PTPRG: variants seen among roughly 807,000 people sequenced by gnomAD.
PTPRG encodes receptor-type tyrosine-protein phosphatase gamma.
Under a neutral mutation model 165.3 loss-of-function variants are expected in PTPRG, and 102 were observed. The observed-to-expected ratio is 0.62, with a 90% CI of 0.53 to 0.73. The LOEUF (loss-of-function observed/expected upper bound fraction) is 0.73, where lower values mean the gene tolerates loss of function less well. Ranked by LOEUF, PTPRG falls within the 30% of genes least tolerant of loss-of-function variation. PTPRG has a pLI of 0.00. For synonymous variants in PTPRG, 675 were observed against 669.5 expected (o/e 1.01, Z -0.13); for missense variants, 1,866 against 1,861.4 (o/e 1.00, Z -0.05).
chr3:61,744,246 C>T (rs367889991), intron 1 of PTPRG, among the ~76,000 whole-genome samples: 2 of 152,094 alleles, frequency 1.3e-5, no homozygotes, highest in Admixed American at 6.5e-5. Flanking sequence ...ACAGCATCGT[C>T]GATTAAAATG....
chr3:62,268,349 G>T (rs187385948), intron 19 of PTPRG, among the ~76,000 whole-genome samples: 56 of 152,146 alleles, frequency 3.7e-4, no homozygotes, highest in African/African-American at 1.3e-3. Flanking sequence ...GTTTACATTA[G>T]ATGATGCTAA....
intron 2 of PTPRG, among the ~76,000 whole-genome samples, chr3:61,869,441 C>T (rs1373855385): frequency 1.3e-5 from 2 of 152,268 alleles, no homozygotes; most frequent in Non-Finnish European, 2.9e-5. Context: ...TATTGCTTTT[C>T]AGTCAGGTGG....
At chr3:61,631,536 A>G (rs1701775051) in intron 1 of PTPRG, among the ~76,000 whole-genome samples, 1 of 152,248 alleles carries the variant, frequency 6.6e-6, no homozygotes, top group Non-Finnish European at 1.5e-5. Flanking sequence ...CAGTGTATAT[A>G]GAGCTCAGCT....
At chr3:61,830,527 A>G (rs1338455248) in intron 2 of PTPRG, among the ~76,000 whole-genome samples, 1 of 149,556 alleles carries the variant, frequency 6.7e-6, no homozygotes, top group African/African-American at 2.5e-5. Flanking sequence ...TCTTCGACTT[A>G]CGACTTACTT....
intron 1 of PTPRG, among the ~76,000 whole-genome samples, chr3:61,735,370 C>T (rs562570822): frequency 2.0e-5 from 3 of 152,098 alleles, no homozygotes; most frequent in Non-Finnish European, 1.5e-5. Context: ...TTTCTTTCTG[C>T]AATTGAAGAG....
intron 6 of PTPRG, among the ~76,000 whole-genome samples, chr3:62,153,661 G>A (rs773148607): frequency 5.9e-5 from 9 of 152,186 alleles, no homozygotes; most frequent in Non-Finnish European, 8.8e-5. Context: ...ATGAGAGTAA[G>A]AATAATATCT....
intron 4 of PTPRG, among the ~76,000 whole-genome samples, chr3:62,061,608 T>C (rs10866052): frequency 0.14 from 20,490 of 150,376 alleles, 1,645 homozygotes; most frequent in South Asian, 0.23. Flanking sequence ...CTAAAAAACA[T>C]TACTTGGCTT....
At chr3:62,264,326 A>T (rs1701794301) in intron 17 of PTPRG, among the ~76,000 whole-genome samples, 1 of 151,948 alleles carries the variant, frequency 6.6e-6, no homozygotes, top group Non-Finnish European at 1.5e-5. Context: ...AAAAAAAAAA[A>T]TTTCCTAGGG....
intron 2 of PTPRG, among the ~76,000 whole-genome samples, chr3:61,898,754 TA>T (rs1186530590): frequency 6.6e-6 from 1 of 152,148 alleles, no homozygotes; most frequent in Non-Finnish European, 1.5e-5. Flanking sequence ...TTGAAGTGAA[TA>T]AATAAAGAAG....
chr3:62,269,258 C>G (rs939867097), intron 20 of PTPRG, 89 bp downstream of exon 20: 9 of 1,333,946 alleles, frequency 6.7e-6, no homozygotes, highest in Non-Finnish European at 8.0e-6. Flanking sequence ...ATCTCATAAC[C>G]AACTTGGTTT....
intron 1 of PTPRG, among the ~76,000 whole-genome samples, chr3:61,738,279 CATATATATATATATAT>C (rs1169177844): frequency 6.5e-5 from 1 of 15,484 alleles, no homozygotes; most frequent in Non-Finnish European, 2.5e-4. Flanking sequence ...TATATATATA[CATATATATATATATAT>C]ATATATATAT....
At chr3:62,176,645 G>T (rs575697649) in intron 8 of PTPRG, among the ~76,000 whole-genome samples, 201 of 152,146 alleles carry the variant, frequency 1.3e-3, no homozygotes, top group South Asian at 4.8e-3. Flanking sequence ...ATTTTGTCAG[G>T]TTATCTTGGG....
At chr3:61,651,911 G>A (rs1453333132) in intron 1 of PTPRG, among the ~76,000 whole-genome samples, 1 of 152,182 alleles carries the variant, frequency 6.6e-6, no homozygotes, top group Non-Finnish European at 1.5e-5. Flanking sequence ...TCGGGAGGCT[G>A]AGGCAGGAGA....
At chr3:62,192,799 G>C (rs1339549302) in intron 9 of PTPRG, among the ~76,000 whole-genome samples, 2 of 152,096 alleles carry the variant, frequency 1.3e-5, no homozygotes, top group African/African-American at 4.8e-5. Flanking sequence ...TCAAAGGAAG[G>C]CTCTGGAATA....
chr3:62,206,910 CTCAAAAAAAAAA>C (rs1700244525), intron 12 of PTPRG, among the ~76,000 whole-genome samples: 1 of 75,414 alleles, frequency 1.3e-5, no homozygotes, highest in South Asian at 5.4e-4. Flanking sequence ...AAGACTCTGT[CTCAAAAAAAAAA>C]AAAAAAAAAA....
Position 62,210,970 on chromosome 3 carries a change from C to A in PTPRG, c.2155+7020C>A, listed in dbSNP as rs557928415. Among the ~76,000 whole-genome samples, 9 of 152,278 alleles carry A rather than the reference C, an allele frequency of 5.9e-5. No homozygotes were observed. The East Asian group carries it at 1.4e-3, about 23-fold the overall frequency. ...GAATTTCTGACTATTCAGGGATTAG[C>A]ACCCCTAATGCCTATGTTGTTGGTG... On this transcript the variant is annotated intron_variant, in intron 12 of 29. Coordinates refer to ENST00000474889, the MANE Select transcript of PTPRG (RefSeq NM_002841.4). This position sits in a 1 kb window ranked among gnomAD's most constrained non-coding sequence, Gnocchi z 4.1.
At chr3:62,183,678 C>A (rs919608119) in intron 8 of PTPRG, among the ~76,000 whole-genome samples, 5 of 152,012 alleles carry the variant, frequency 3.3e-5, no homozygotes, top group African/African-American at 1.2e-4. Flanking sequence ...ACCATGAGCT[C>A]CCTATGCGTT....
At chr3:62,091,604 G>A (rs1053950808) in intron 5 of PTPRG, among the ~76,000 whole-genome samples, 7 of 152,084 alleles carry the variant, frequency 4.6e-5, no homozygotes, top group African/African-American at 1.2e-4. Flanking sequence ...GTCATAAAAC[G>A]GGGATCCTTT....
chr3:61,562,097 T>G lies in PTPRG; in HGVS notation c.-191T>G. On this transcript the variant is annotated 5_prime_UTR_variant, in exon 1 of 30. Coordinates refer to ENST00000474889, the MANE Select transcript of PTPRG (RefSeq NM_002841.4). ...GCGTGGCTCTGCGTTCCCGGTCACT[T>G]TTTGAGATTTTCCGGGGGGCGCTCG... 5.1e-5 allele frequency: 29 copies of G among 565,398 alleles called. No individual in the cohort carries two copies. Among genetic ancestry groups the G allele is most frequent in the Middle Eastern group, 4.8e-4 (1 of 2,088 alleles). The allele number at this position is 565,398 out of a possible 1,614,324, so 35.0% of individuals were successfully genotyped here.
Sources: allele counts gnomAD v4.1 joint callset (sites outside exome capture counted in the v4.1 genomes callset), GRCh38; gene constraint gnomAD v4.1.1; non-coding constraint Gnocchi (gnomAD v3.1); transcripts MANE v1.5; gene names NCBI Gene and HGNC (gene_info 2026-07-23, HGNC 2026-07-21).